The following TEX11 variants were observed in gnomAD, a reference collection of about 807,000 sequenced individuals.
TEX11 encodes the protein testis-expressed protein 11.
A neutral mutation model predicts 84.4 loss-of-function variants in TEX11; 7 were observed. The ratio of observed to expected loss-of-function variants is 0.08; its 90% CI spans 0.05 to 0.16. The LOEUF is 0.16. TEX11 is among the 10% of genes least tolerant of loss of function. TEX11 has a pLI of 1.00. For synonymous variants in TEX11, 264 were observed against 222.8 expected (o/e 1.18, Z -1.64); for missense variants, 551 against 660.5 (o/e 0.83, Z 1.82).
chrX:70,776,699 A>T (rs776773358), intron 9 of TEX11, among the ~76,000 whole-genome samples: 1 of 111,720 alleles, frequency 9.0e-6, no homozygotes, highest in Non-Finnish European at 1.9e-5. Flanking sequence ...AGTGGGAGCT[A>T]AAAATGTGGA....
chrX:70,524,147 A>G (rs940238597), downstream of TEX11, among the ~76,000 whole-genome samples: 6 of 112,078 alleles, frequency 5.4e-5, no homozygotes, highest in East Asian at 2.8e-4. Flanking sequence ...AAAGTCTGCT[A>G]TTAACGGATC....
chrX:70,881,968 G>T (rs949681287), intron 2 of TEX11, among the ~76,000 whole-genome samples: 10 of 101,516 alleles, frequency 9.9e-5, no homozygotes, highest in Non-Finnish European at 1.6e-4. Flanking sequence ...GGCAGAGGTT[G>T]CAGTGAGCTG....
At chrX:70,524,727 G>A (rs977044318), downstream of TEX11, among the ~76,000 whole-genome samples, 1 of 111,848 alleles carries the variant, frequency 8.9e-6, no homozygotes, top group Non-Finnish European at 1.9e-5. Flanking sequence ...CACCACGTCC[G>A]GCTAATTTTT....
chrX:70,894,487 G>A (rs1051945934), intron 2 of TEX11, among the ~76,000 whole-genome samples: 7 of 110,212 alleles, frequency 6.4e-5, no homozygotes, highest in African/African-American at 2.0e-4. Context: ...TCAGCTAGGC[G>A]TGGTGGCGCA....
At chrX:70,543,007 C>T (rs981341146) in intron 28 of TEX11, among the ~76,000 whole-genome samples, 4 of 110,128 alleles carry the variant, frequency 3.6e-5, no homozygotes, top group Non-Finnish European at 7.6e-5. Context: ...CGGTGAAACC[C>T]CGTCTCTACT....
chrX:70,740,200 A>G (rs2090724280), intron 11 of TEX11, among the ~76,000 whole-genome samples: 1 of 111,739 alleles, frequency 8.9e-6, no homozygotes, highest in Non-Finnish European at 1.9e-5. Context: ...TAAACTAGAT[A>G]CTTTACAAAC....
In TEX11 at chrX:70,558,844, C is replaced by T. The variant is rs777273976; in HGVS notation, c.2141-4044G>A. ...ATTGGTCATCAGGAAAATTAGTCAT[C>T]AGGAAATCAAAACCATAATAAGATA... On this transcript the variant is annotated intron_variant, in intron 25 of 29. Coordinates refer to ENST00000374333, the MANE Select transcript of TEX11 (RefSeq NM_031276.3). Among the ~76,000 whole-genome samples the T allele has an allele frequency of 8.1e-5, 9 of 111,736 alleles. No homozygotes were observed. In the East Asian group the frequency reaches 2.5e-3, roughly 31 times the overall value.
intron 16 of TEX11, among the ~76,000 whole-genome samples, chrX:70,662,650 GA>G (rs2089940804): frequency 9.0e-6 from 1 of 111,706 alleles, no homozygotes; most frequent in African/African-American, 3.3e-5. Flanking sequence ...AAGCCCATCA[GA>G]CTAACAGCTG....
intron 8 of TEX11, among the ~76,000 whole-genome samples, chrX:70,823,845 A>T (rs2091331128): frequency 9.8e-6 from 1 of 102,127 alleles, no homozygotes; most frequent in South Asian, 4.2e-4. Flanking sequence ...TGTCTCTACT[A>T]AAAAAAAAAT....
intron 28 of TEX11, among the ~76,000 whole-genome samples, chrX:70,540,335 CGTTAA>C (rs2147934569): frequency 8.9e-6 from 1 of 111,735 alleles, no homozygotes; most frequent in South Asian, 3.8e-4. Flanking sequence ...AGTTTAGTGG[CGTTAA>C]GTACATTCAC....
intron 28 of TEX11, among the ~76,000 whole-genome samples, chrX:70,550,095 A>G (rs539235599): frequency 1.8e-5 from 2 of 112,718 alleles, no homozygotes; most frequent in East Asian, 5.6e-4. Flanking sequence ...CCATACATCT[A>G]CAGTGAACTC....
chrX:70,832,215 T>C (rs1356371001), intron 8 of TEX11, among the ~76,000 whole-genome samples: 3 of 111,738 alleles, frequency 2.7e-5, no homozygotes, highest in African/African-American at 9.7e-5. Context: ...TTAAATCACA[T>C]GCTACAAAAT....
chrX:70,901,663 C>T (rs749652999), intron 2 of TEX11, among the ~76,000 whole-genome samples: 1 of 111,914 alleles, frequency 8.9e-6, no homozygotes, highest in East Asian at 2.8e-4. Context: ...GGAGCTCAGG[C>T]GGTAATGCTT....
At chrX:70,627,065 G>A (rs1239158126) in intron 18 of TEX11, among the ~76,000 whole-genome samples, 3 of 112,462 alleles carry the variant, frequency 2.7e-5, no homozygotes, top group Non-Finnish European at 5.6e-5. Flanking sequence ...CAAATACAAT[G>A]AGGACTGAGA....
At chrX:70,624,249 T>C (rs2089427009) in intron 19 of TEX11, among the ~76,000 whole-genome samples, 1 of 112,040 alleles carries the variant, frequency 8.9e-6, no homozygotes, top group African/African-American at 3.2e-5. Context: ...AACAAAAGCG[T>C]TGCTTATAAC....
chrX:70,781,120 G>C (rs2091036458), intron 9 of TEX11, among the ~76,000 whole-genome samples: 1 of 111,877 alleles, frequency 8.9e-6, no homozygotes, highest in Non-Finnish European at 1.9e-5. Flanking sequence ...GAAAGGATCA[G>C]GCAGCAATAT....
intron 28 of TEX11, among the ~76,000 whole-genome samples, chrX:70,537,607 GTAGT>G (rs1290162750): frequency 9.0e-6 from 1 of 111,348 alleles, no homozygotes; most frequent in African/African-American, 3.3e-5. Context: ...GAAAAAAAAG[GTAGT>G]TAGACTGGAC....
intron 1 of TEX11, among the ~76,000 whole-genome samples, chrX:70,908,109 C>T (rs1048609829): frequency 3.6e-5 from 4 of 111,563 alleles, no homozygotes; most frequent in East Asian, 2.8e-4. Context: ...AATCCGCTTC[C>T]GCTACCAACC....
At chrX:70,711,522 C>T (rs771299208) in intron 13 of TEX11, among the ~76,000 whole-genome samples, 11 of 111,537 alleles carry the variant, frequency 9.9e-5, no homozygotes, top group South Asian at 7.6e-4. Context: ...TTTTGATTTG[C>T]ATTTCTCTGA....
Sources: allele counts gnomAD v4.1 joint callset (sites outside exome capture counted in the v4.1 genomes callset), GRCh38; gene constraint gnomAD v4.1.1; transcripts MANE v1.5; gene names NCBI Gene and HGNC (gene_info 2026-07-23, HGNC 2026-07-21).